Variants in RTN4IP1 observed in about 807,000 individuals in gnomAD.
RTN4IP1 encodes reticulon 4 interacting protein 1.
A neutral mutation model predicts 46.6 loss-of-function variants in RTN4IP1; 32 were observed. The ratio of observed to expected loss-of-function variants is 0.69; its 90% confidence interval spans 0.52 to 0.92. The LOEUF is 0.92. RTN4IP1 is among the 40% of genes least tolerant of loss of function. The pLI is 0.00. For synonymous variants in RTN4IP1, 167 were observed against 161.8 expected, an observed-to-expected ratio of 1.03 and a Z score of -0.24; for missense variants, 424 against 485.8, an observed-to-expected ratio of 0.87 and a Z score of 1.20.
intron 8 of RTN4IP1, among the ~76,000 whole-genome samples, chr6:106,578,265 C>T (rs965335932): frequency 1.3e-5 from 2 of 152,152 alleles, no homozygotes; most frequent in African/African-American, 2.4e-5. Flanking sequence ...GTCAAGAGAC[C>T]TGGGCCCTGC....
chr6:106,574,428 G>A (rs1775168782), intron 8 of RTN4IP1, among the ~76,000 whole-genome samples: 1 of 149,246 alleles, frequency 6.7e-6, no homozygotes, highest in Non-Finnish European at 1.5e-5. Flanking sequence ...GGGCAACAGA[G>A]CGAGACTCTG....
In RTN4IP1 at chr6:106,629,092, TTCAG is replaced by T. The variant is rs1464086199; in HGVS notation, c.-75_-72del. ...ACTGGATCAAACTCTCACCCCTGAA[TTCAG>T]TCAAATTCTGCCAAACCACGGGCTA... On this transcript the variant is annotated 5_prime_UTR_variant, in exon 1 of 9. The change abolishes the stop of an existing upstream ORF in the 5' untranslated region. Coordinates refer to ENST00000369063, the MANE Select transcript of RTN4IP1 (RefSeq NM_032730.5). 3 of 1,442,650 alleles carry T rather than the reference TTCAG, an allele frequency of 2.1e-6. No individual in the cohort carries two copies. Among genetic ancestry groups the T allele is most frequent in the Admixed American group, 2.2e-5 (1 of 45,924 alleles). The allele number at this position is 1,442,650 out of a possible 1,614,324, so 89.4% of individuals were successfully genotyped here. A position where few individuals can be genotyped will look rare whatever the true frequency, so the allele number is the denominator to read the frequency against.
At chr6:106,578,919 T>G (rs941583969) in intron 8 of RTN4IP1, among the ~76,000 whole-genome samples, 1 of 152,046 alleles carries the variant, frequency 6.6e-6, no homozygotes, top group Non-Finnish European at 1.5e-5. Flanking sequence ...TTCTTCTTTT[T>G]TTTTTTTTTA....
At chr6:106,582,977 G>A (rs1775404783) in intron 8 of RTN4IP1, among the ~76,000 whole-genome samples, 2 of 151,978 alleles carry the variant, frequency 1.3e-5, no homozygotes, top group African/African-American at 4.8e-5. Context: ...GGAGACCTGG[G>A]GACCTGATAA....
At chr6:106,614,838 G>A (rs1032332944) in intron 4 of RTN4IP1, among the ~76,000 whole-genome samples, 1 of 152,122 alleles carries the variant, frequency 6.6e-6, no homozygotes, top group African/African-American at 2.4e-5. Context: ...ACAGTCCATT[G>A]AAGAGTAAAT....
chr6:106,619,098 C>A (rs17067469), intron 4 of RTN4IP1, 104 bp downstream of exon 4: 19 of 1,272,456 alleles, frequency 1.5e-5, no homozygotes, highest in South Asian at 1.4e-5. Context: ...CAGCTCTGTT[C>A]GTGTAAATGA....
intron 4 of RTN4IP1, among the ~76,000 whole-genome samples, chr6:106,618,241 C>G (rs1335024840): frequency 1.3e-5 from 2 of 152,112 alleles, no homozygotes; most frequent in Non-Finnish European, 2.9e-5. Flanking sequence ...AGAACAGAAT[C>G]ACACAGACTT....
chr6:106,625,661 C>CTTTTTTTTTTTTTTTT (rs773454257), intron 1 of RTN4IP1, among the ~76,000 whole-genome samples: 22 of 112,790 alleles, frequency 2.0e-4, no homozygotes, highest in Non-Finnish European at 2.5e-4. Flanking sequence ...TCTTTTTTTT[C>CTTTTTTTTTTTTTTTT]TTTTTTTTTT....
At chr6:106,620,479 A>C (rs1225766020) in intron 3 of RTN4IP1, among the ~76,000 whole-genome samples, 1 of 152,156 alleles carries the variant, frequency 6.6e-6, no homozygotes, top group African/African-American at 2.4e-5. Flanking sequence ...AGGGGAGTCA[A>C]AAGATGTAGG....
chr6:106,617,670 C>T (rs1006896751), intron 4 of RTN4IP1, among the ~76,000 whole-genome samples: 4 of 152,136 alleles, frequency 2.6e-5, no homozygotes, highest in African/African-American at 9.7e-5. Flanking sequence ...ACACCAATGT[C>T]TCTAAGAAGA....
intron 5 of RTN4IP1, among the ~76,000 whole-genome samples, chr6:106,595,969 C>G (rs1235128074): frequency 1.3e-5 from 2 of 152,064 alleles, no homozygotes. Flanking sequence ...AAAGTGACCT[C>G]TTTTGAAAAA....
chr6:106,573,461 A>G (rs2114614860), intron 8 of RTN4IP1, among the ~76,000 whole-genome samples: 1 of 152,352 alleles, frequency 6.6e-6, no homozygotes, highest in South Asian at 2.1e-4. Flanking sequence ...TCCCTTCTCC[A>G]AAGAGCTGAA....
At chr6:106,605,816 C>CAAAAAAAAAAAAAA in intron 4 of RTN4IP1, among the ~76,000 whole-genome samples, 1 of 4,496 alleles carries the variant, frequency 2.2e-4, no homozygotes, top group Admixed American at 1.4e-3. Flanking sequence ...GACTCTGTCC[C>CAAAAAAAAAAAAAA]AAAAAAAAAA....
Position 106,587,792 on chromosome 6 carries a change from A to G in RTN4IP1, c.877T>C (p.Ser293Pro). The G allele has an allele frequency of 1.2e-6, 2 of 1,613,928 alleles. No homozygotes were observed. Among genetic ancestry groups the G allele is most frequent in the African/African-American group, 1.3e-5 (1 of 75,062 alleles). The change falls in exon 7 of 9, where the codon TCA (serine) becomes CCA (proline). Residue 293 changes from serine to proline, a missense_variant. Transcript: ENST00000369063. ...ACCAAAGTCACATAGGTGGCTCCTGACCATTTCTTGAGAAAATCTGGAGCC... is the reference window on the plus strand; with the variant it reads ...ACCAAAGTCACATAGGTGGCTCCTGGCCATTTCTTGAGAAAATCTGGAGCC... ...TWAPDFLKKW[S>P]GATYVTLVTP... is the part of the protein sequence containing the mutation.
intron 1 of RTN4IP1, among the ~76,000 whole-genome samples, chr6:106,627,473 A>C (rs1347823637): frequency 6.6e-6 from 1 of 152,238 alleles, no homozygotes; most frequent in Non-Finnish European, 1.5e-5. Context: ...CTGAATGACA[A>C]CTGCGTATGT....
intron 5 of RTN4IP1, among the ~76,000 whole-genome samples, chr6:106,595,530 C>T (rs555233076): frequency 7.4e-5 from 11 of 148,600 alleles, no homozygotes; most frequent in African/African-American, 1.0e-4. Flanking sequence ...GGGACAGTCT[C>T]GCTCTGTCCC....
intron 4 of RTN4IP1, among the ~76,000 whole-genome samples, chr6:106,610,582 C>G (rs1582380058): frequency 1.3e-5 from 2 of 152,144 alleles, no homozygotes; most frequent in African/African-American, 4.8e-5. Flanking sequence ...ATATTCGAAT[C>G]TCACTGAAGT....
intron 8 of RTN4IP1, among the ~76,000 whole-genome samples, chr6:106,582,254 C>G (rs1240484417): frequency 6.6e-6 from 1 of 152,172 alleles, no homozygotes; most frequent in East Asian, 1.9e-4. Flanking sequence ...AATATGCCAG[C>G]AAGGAGCAGG....
chr6:106,578,488 T>A (rs1169482175), intron 8 of RTN4IP1, among the ~76,000 whole-genome samples: 1 of 152,192 alleles, frequency 6.6e-6, no homozygotes, highest in African/African-American at 2.4e-5. Context: ...AGTAAGTGTG[T>A]TAAATAGTAT....
Sources: allele counts gnomAD v4.1 joint callset (sites outside exome capture counted in the v4.1 genomes callset), GRCh38; gene constraint gnomAD v4.1.1; transcripts MANE v1.5; gene names NCBI Gene and HGNC (gene_info 2026-07-23, HGNC 2026-07-21).